Variants in FBN3 observed in about 807,000 individuals in gnomAD.
FBN3 encodes fibrillin-3.
FBN3 carries 234 observed loss-of-function variants against 330.1 expected under a neutral mutation model. That is an observed-to-expected ratio of 0.71 (90% CI 0.64 to 0.79). FBN3 has a LOEUF of 0.79. Ranked by LOEUF, FBN3 falls within the 30% of genes least tolerant of loss-of-function variation. The pLI is 0.00. For missense variants in FBN3, 3,606 were observed against 3,886.9 expected, an observed-to-expected ratio of 0.93 and a Z score of 1.92; for synonymous variants, 1,458 against 1,517.3, an observed-to-expected ratio of 0.96 and a Z score of 0.91.
At chr19:8,095,086 C>T (rs1205696892) in intron 46 of FBN3, among the ~76,000 whole-genome samples, 1 of 152,042 alleles carries the variant, frequency 6.6e-6, no homozygotes, top group African/African-American at 2.4e-5. Context: ...ATTCTCCTGC[C>T]CCAGCCTCCT....
chr19:8,071,983 C>T, intron 63 of FBN3, 65 bp downstream of exon 63: 1 of 1,508,906 alleles, frequency 6.6e-7, no homozygotes, highest in Non-Finnish European at 8.9e-7. Flanking sequence ...AAGTCGGGTC[C>T]ACAGCCTCTT....
rs1160711409 is a variant in FBN3, at chr19:8,085,422, C to T, written c.7028G>A (p.Gly2343Asp). 3 of 1,577,280 alleles carry T rather than the reference C, an allele frequency of 1.9e-6. No homozygotes were observed. The Admixed American group carries it at 5.7e-5, about 30-fold the overall frequency. Residue 2343 changes from glycine (G) to aspartate (D), a missense_variant, in exon 56 of 64, where the codon GGC becomes GAC. Transcript: ENST00000600128. ...GCACAGCTTCCTGTAGGCAGAGGTG[C>T]CGGGCAGGGGACAGAGCTCGCAGCG... Reference protein sequence around the residue: ...GPRCELCPLPGTSAYRKLCPH... With the variant: ...GPRCELCPLPDTSAYRKLCPH...
chr19:8,142,787 C>A (rs1041592366), intron 6 of FBN3, among the ~76,000 whole-genome samples: 8 of 151,746 alleles, frequency 5.3e-5, no homozygotes, highest in Non-Finnish European at 1.2e-4. Context: ...GGAGGAGGGG[C>A]TTCACAGAGA....
At chr19:8,112,143 G>A (rs765408897) in intron 30 of FBN3, 44 bp from the exon 31 acceptor site, 1 of 1,597,008 alleles carries the variant, frequency 6.3e-7, no homozygotes, top group Non-Finnish European at 8.6e-7. Flanking sequence ...GTCACAGAAG[G>A]AAAGACTCGA....
intron 39 of FBN3, 94 bp downstream of exon 39, chr19:8,103,468 C>T (rs2082372177): frequency 2.3e-6 from 3 of 1,308,866 alleles, no homozygotes; most frequent in Middle Eastern, 4.9e-4. Flanking sequence ...TGCTTACCCT[C>T]CCTCTCCATA....
At chr19:8,108,987 C>A (rs963978834) in intron 36 of FBN3, among the ~76,000 whole-genome samples, 1 of 152,166 alleles carries the variant, frequency 6.6e-6, no homozygotes, top group African/African-American at 2.4e-5. Context: ...TGTTGACTGA[C>A]TGAGTGATCA....
chr19:8,141,968 G>A lies in FBN3; in HGVS notation c.711C>T (p.Ile237=). ...GGCAGGCCCCCGTGTGGATATTGGG[G>A]ATGAAGCCGCGGCGGCAGGGGTGTG... ...AQPHPCRRGF[I]PNIHTGACQD... Residue 237 remains isoleucine (I), a synonymous_variant, in exon 7 of 64, where the codon ATC becomes ATT. Transcript: ENST00000600128. 6.2e-7 allele frequency: 1 copy of A among 1,614,210 alleles called. No individual in the cohort carries two copies. The highest frequency in any genetic ancestry group is 1.1e-5 in the South Asian group (1 of 91,086).
In FBN3 at chr19:8,136,249, G is replaced by C. The variant is rs757893373; in HGVS notation, c.1406C>G (p.Thr469Ser). 6.2e-7 allele frequency: 1 copy of C among 1,609,626 alleles called. No individual in the cohort carries two copies. The highest frequency in any genetic ancestry group is 8.5e-7 in the Non-Finnish European group (1 of 1,178,688). The change falls in exon 12 of 64, where the codon ACC becomes AGC. Residue 469 changes from threonine to serine, a missense_variant. Coordinates refer to ENST00000600128, the MANE Select transcript of FBN3 (RefSeq NM_032447.5). ...GCCCGGGTAGCACCGGCAGTGGTAG[G>C]TGCCGGGGATGTTGACGCAGTCACC... ...HHGDCVNIPG[T>S]YHCRCYPGFQ...
chr19:8,098,223 A>C (rs1165422157), intron 41 of FBN3, among the ~76,000 whole-genome samples: 1 of 151,886 alleles, frequency 6.6e-6, no homozygotes, highest in African/African-American at 2.4e-5. Context: ...GTGTCCATCA[A>C]AAGGGGACTT....
intron 51 of FBN3, 93 bp downstream of exon 51, chr19:8,089,452 C>A: frequency 6.9e-7 from 1 of 1,438,936 alleles, no homozygotes; most frequent in Non-Finnish European, 9.6e-7. Context: ...CAGGATCTCA[C>A]CCACTGCCTG....
At chr19:8,130,042 C>T (rs764614583) in intron 16 of FBN3, among the ~76,000 whole-genome samples, 11 of 151,914 alleles carry the variant, frequency 7.2e-5, no homozygotes, top group Non-Finnish European at 1.0e-4. Context: ...GGATTACAGC[C>T]GCCTGCCACC....
chr19:8,106,644 A>G (rs1447426834), intron 37 of FBN3, among the ~76,000 whole-genome samples: 1 of 151,828 alleles, frequency 6.6e-6, no homozygotes, highest in Non-Finnish European at 1.5e-5. Context: ...CAAGTGGGTC[A>G]ATGAATAAGA....
chr19:8,097,557 A>T, intron 41 of FBN3, 143 bp from the exon 42 acceptor site: 1 of 759,366 alleles, frequency 1.3e-6, no homozygotes, highest in Non-Finnish European at 2.0e-6. Context: ...TCTTGCTGTG[A>T]CCAAAATACA....
At chr19:8,072,990 T>C (rs1599260252) in intron 62 of FBN3, 73 bp downstream of exon 62, 3 of 866,756 alleles carry the variant, frequency 3.5e-6, no homozygotes, top group African/African-American at 3.9e-5. Flanking sequence ...TGTGTGTGTG[T>C]GTGTGTGTGT....
rs758950417 is a variant in FBN3 at position 8,136,339 on chromosome 19, C to G, written c.1346-30G>C. 2.5e-6 allele frequency: 4 copies of G among 1,604,398 alleles called. No individual in the cohort carries two copies. In the Admixed American group the frequency reaches 5.0e-5, roughly 20 times the overall value. On this transcript the variant is annotated intron_variant, in intron 11 of 63. Coordinates refer to ENST00000600128, the MANE Select transcript of FBN3 (RefSeq NM_032447.5). ...GGGGAGAGGACCCTGAGCCCTAGCA[C>G]GAGCAGGGCAGTGAGAACCGCCCCC... is the stretch of plus-strand genomic sequence containing the variant.
chr19:8,122,608 C>T (rs1481108922), intron 24 of FBN3, among the ~76,000 whole-genome samples: 1 of 151,536 alleles, frequency 6.6e-6, no homozygotes, highest in Non-Finnish European at 1.5e-5. Context: ...CTCAAGTGAT[C>T]CATCTGCCTT....
chr19:8,077,247 T>A (rs550777254), intron 59 of FBN3, among the ~76,000 whole-genome samples: 1 of 152,188 alleles, frequency 6.6e-6, no homozygotes, highest in Non-Finnish European at 1.5e-5. Context: ...AACTGGGATT[T>A]TGAGGAATGA....
chr19:8,130,592 G>A (rs184312542), intron 16 of FBN3, among the ~76,000 whole-genome samples: 612 of 10,344 alleles, frequency 0.059, 64 homozygotes, highest in South Asian at 0.15. Context: ...ATGAAAGAAA[G>A]AAAGAAAGAA....
chr19:8,134,056 C>G (rs61443840), intron 13 of FBN3, among the ~76,000 whole-genome samples: 40,273 of 130,942 alleles, frequency 0.31, 5,982 homozygotes, highest in East Asian at 0.58. Context: ...GAAACCCCAT[C>G]TCTACTAAAA....
Sources: allele counts gnomAD v4.1 joint callset (sites outside exome capture counted in the v4.1 genomes callset), GRCh38; gene constraint gnomAD v4.1.1; transcripts MANE v1.5; gene names NCBI Gene and HGNC (gene_info 2026-07-23, HGNC 2026-07-21).